The following ADGRD1 variants were observed in gnomAD, a reference collection of about 807,000 sequenced individuals.
The protein encoded by ADGRD1 is G-protein coupled receptor 133.
A neutral mutation model predicts 113.4 loss-of-function variants in ADGRD1; 77 were observed. The observed-to-expected ratio is 0.68, with a 90% CI of 0.57 to 0.82. The LOEUF (loss-of-function observed/expected upper bound fraction) is 0.82. Among genes scored for constraint, ADGRD1 ranks in the 40% least tolerant of loss-of-function variants. The probability of loss-of-function intolerance (pLI) is 0.00; values close to 1 mark genes in which losing one functional copy is unlikely to be tolerated. For missense variants in ADGRD1, 1,036 were observed against 1,139.1 expected, an observed-to-expected ratio of 0.91 and a Z score of 1.30; for synonymous variants, 474 against 475.0, an observed-to-expected ratio of 1.00 and a Z score of 0.03.
intron 20 of ADGRD1, among the ~76,000 whole-genome samples, chr12:131,126,115 T>A (rs1950732685): frequency 6.6e-6 from 1 of 152,208 alleles, no homozygotes; most frequent in Non-Finnish European, 1.5e-5. Flanking sequence ...TCCCTCAAAG[T>A]TCATGTAACT....
chr12:131,070,744 G>A lies in ADGRD1; in HGVS notation c.1474-6057G>A, dbSNP rs182464654. ...CTCCACCCACAGCACTATCCTGGGC[G>A]GAACCTTCCTGGCCCCACCCACAGC... On this transcript the variant is annotated intron_variant, in intron 13 of 24. Transcript: ENST00000261654. 1.3e-3 allele frequency: 675 copies of A among 502,538 alleles called. 2 individuals are homozygous for A. In the East Asian group the frequency reaches 0.016, roughly 12 times the overall value. The allele number at this position is 502,538 out of a possible 1,614,324, so 31.1% of individuals were successfully genotyped here.
intron 20 of ADGRD1, among the ~76,000 whole-genome samples, chr12:131,121,660 G>A (rs971825206): frequency 1.3e-5 from 2 of 152,200 alleles, no homozygotes; most frequent in Admixed American, 1.3e-4. Context: ...GATTACAGGC[G>A]TGAGCCACTG....
intron 18 of ADGRD1, among the ~76,000 whole-genome samples, chr12:131,114,379 C>A (rs902421858): frequency 1.3e-5 from 2 of 152,176 alleles, no homozygotes; most frequent in African/African-American, 4.8e-5. Flanking sequence ...AATGCAGCCC[C>A]AGTAGGAGAC....
chr12:131,130,264 GA>G (rs1950879450), intron 20 of ADGRD1, among the ~76,000 whole-genome samples: 3 of 152,332 alleles, frequency 2.0e-5, no homozygotes, highest in African/African-American at 7.2e-5. Flanking sequence ...TTACAGATGG[GA>G]AAATAAGGGC....
chr12:130,967,272 T>G, intron 3 of ADGRD1: 1 of 234,246 alleles, frequency 4.3e-6, no homozygotes, highest in Non-Finnish European at 9.2e-6. Context: ...AAGCATCGCC[T>G]AAGACGTTTC....
chr12:130,973,690 C>T (rs1871958651), intron 4 of ADGRD1, among the ~76,000 whole-genome samples: 1 of 152,216 alleles, frequency 6.6e-6, no homozygotes. Flanking sequence ...GAAGAAAGAG[C>T]CATGAACTCG....
intron 2 of ADGRD1, among the ~76,000 whole-genome samples, chr12:130,963,237 G>A (rs911655392): frequency 6.6e-5 from 10 of 150,550 alleles, no homozygotes; most frequent in Non-Finnish European, 1.3e-4. Flanking sequence ...GGAGAATGGC[G>A]TGAACCCGGG....
At chr12:131,089,455 G>A (rs374718832) in intron 15 of ADGRD1, among the ~76,000 whole-genome samples, 1 of 152,192 alleles carries the variant, frequency 6.6e-6, no homozygotes, top group Non-Finnish European at 1.5e-5. Flanking sequence ...TCACACAGCC[G>A]ACCACCTGGG....
chr12:131,138,246 T>A lies in ADGRD1; in HGVS notation c.2529+17T>A. ...TCGGACCTCGTGAGTGCAGCCTCCATAAACCGAGGGTCCCAGCCCATCCTC... is the reference window on the plus strand; with the variant it reads ...TCGGACCTCGTGAGTGCAGCCTCCAAAAACCGAGGGTCCCAGCCCATCCTC... On this transcript the variant is annotated intron_variant, in intron 24 of 24. Transcript: ENST00000261654. The A allele has an allele frequency of 6.2e-7, 1 of 1,606,172 alleles. No individual in the cohort carries two copies.
intron 13 of ADGRD1, among the ~76,000 whole-genome samples, chr12:131,044,386 GT>G (rs1296682675): frequency 6.6e-6 from 1 of 152,178 alleles, no homozygotes; most frequent in African/African-American, 2.4e-5. Flanking sequence ...CCACCCACGA[GT>G]TCCCCCCTTG....
chr12:131,135,936 G>C, intron 21 of ADGRD1, 101 bp from the exon 22 acceptor site: 1 of 1,295,080 alleles, frequency 7.7e-7, no homozygotes, highest in Non-Finnish European at 1.1e-6. Context: ...CCGGCAGGGC[G>C]GTGCCTGCAC....
chr12:130,991,774 AGG>A, intron 7 of ADGRD1, among the ~76,000 whole-genome samples: 1 of 152,182 alleles, frequency 6.6e-6, no homozygotes, highest in Admixed American at 6.5e-5. Context: ...CTGAGACAGG[AGG>A]ACTGCTCGAG....
chr12:131,106,459 C>A (rs1403814460), intron 17 of ADGRD1, among the ~76,000 whole-genome samples: 2 of 152,176 alleles, frequency 1.3e-5, no homozygotes, highest in Non-Finnish European at 2.9e-5. Context: ...AGTGACCCAG[C>A]AGTGGAATGA....
At chr12:130,955,101 A>G (rs937196611) in intron 2 of ADGRD1, among the ~76,000 whole-genome samples, 1 of 138,020 alleles carries the variant, frequency 7.2e-6, no homozygotes, top group African/African-American at 2.8e-5. Context: ...CTGGGATCAC[A>G]GGTGTGCACC....
chr12:131,034,364 G>A lies in ADGRD1; in HGVS notation c.1473+20024G>A, dbSNP rs1265281981. Among the ~76,000 whole-genome samples the A allele has an allele frequency of 3.9e-5, 6 of 152,306 alleles. No homozygotes were observed. The East Asian group carries it at 9.6e-4, about 24-fold the overall frequency. On this transcript the variant is annotated intron_variant, in intron 13 of 24. Coordinates refer to ENST00000261654, the MANE Select transcript of ADGRD1 (RefSeq NM_198827.5). ...GCATGGTTGACACCTTCCCAGAGTC[G>A]CCACTGCCGACCTGACTGTCCTCCA...
intron 18 of ADGRD1, among the ~76,000 whole-genome samples, chr12:131,111,712 C>T (rs1376805225): frequency 6.6e-6 from 1 of 152,028 alleles, no homozygotes; most frequent in Admixed American, 6.6e-5. Context: ...TGGAACCCCT[C>T]TAGTGGATTT....
rs941314035 is a variant in ADGRD1, at chr12:130,966,961, G to A, written c.187+415G>A. 8.9e-6 allele frequency: 4 copies of A among 450,326 alleles called. No homozygotes were observed. The highest frequency in any genetic ancestry group is 1.8e-5 in the Non-Finnish European group (4 of 221,772). 27.9% of individuals were successfully genotyped at this position (450,326 alleles called of 1,614,324 possible). A position where few individuals can be genotyped will look rare whatever the true frequency, so the allele number is the denominator to read the frequency against. On this transcript the variant is annotated intron_variant, in intron 3 of 24. Coordinates refer to ENST00000261654, the MANE Select transcript of ADGRD1 (RefSeq NM_198827.5). The surrounding 1 kb of genome is among the most constrained non-coding windows in gnomAD (Gnocchi z 4.6). ...GAATTTTTATAGAGAGAGCTATTGC[G>A]TATTGAATGGGAGAATTTCTGATTC...
rs568360908 is a variant in ADGRD1 at position 131,051,881 on chromosome 12, T to TTGAAC, written c.1474-24916_1474-24915insCTGAA. ...ATTCTGTTTCCAGAGTGGTGGAGAA[T>TTGAAC]TGAATTGAATTGAATTGAATATGAA... On this transcript the variant is annotated intron_variant, in intron 13 of 24. Coordinates refer to ENST00000261654, the MANE Select transcript of ADGRD1 (RefSeq NM_198827.5). Among the ~76,000 whole-genome samples, 1,297 of 152,310 alleles carry TTGAAC rather than the reference T, an allele frequency of 8.5e-3. 14 individuals carry two copies. Among genetic ancestry groups the TTGAAC allele is most frequent in the Non-Finnish European group, 0.014 (921 of 68,030 alleles).
chr12:131,110,277 T>G (rs1024428802), intron 18 of ADGRD1, among the ~76,000 whole-genome samples: 4 of 152,220 alleles, frequency 2.6e-5, no homozygotes, highest in African/African-American at 9.6e-5. Flanking sequence ...TGTTTCTCTA[T>G]TCTTCCTTTA....
Sources: allele counts gnomAD v4.1 joint callset (sites outside exome capture counted in the v4.1 genomes callset), GRCh38; gene constraint gnomAD v4.1.1; non-coding constraint Gnocchi (gnomAD v3.1); transcripts MANE v1.5; gene names NCBI Gene and HGNC (gene_info 2026-07-23, HGNC 2026-07-21).